SLCO1B1: variants seen among roughly 807,000 people sequenced by gnomAD.
SLCO1B1 encodes the protein solute carrier organic anion transporter family member 1B1.
SLCO1B1 carries 81 observed loss-of-function variants against 70.1 expected under a neutral mutation model. The observed-to-expected ratio is 1.16, with a 90% CI of 0.97 to 1.39. The LOEUF (loss-of-function observed/expected upper bound fraction) is 1.39. SLCO1B1 is among the 40% of genes most tolerant of loss of function. The pLI is 0.00. For synonymous variants in SLCO1B1, 283 were observed against 271.5 expected, an observed-to-expected ratio of 1.04 and a Z score of -0.42; for missense variants, 895 against 799.6, an observed-to-expected ratio of 1.12 and a Z score of -1.44.
At chr12:21,151,760 G>A (rs998510054) in intron 2 of SLCO1B1, among the ~76,000 whole-genome samples, 3 of 152,028 alleles carry the variant, frequency 2.0e-5, no homozygotes, top group African/African-American at 4.8e-5. Context: ...ATGTTAGATG[G>A]ATAAATACAC....
Position 21,176,682 on chromosome 12 carries a change from G to T in SLCO1B1, c.360-94G>T, listed in dbSNP as rs1234790984. Reference sequence around the variant, plus strand: ...CTCTGGTAATTTGGGGAAGATAATGGTGCAAATAAAGGGGAATATTTCTCT... The same window carrying T: ...CTCTGGTAATTTGGGGAAGATAATGTTGCAAATAAAGGGGAATATTTCTCT... On this transcript the variant is annotated intron_variant, in intron 4 of 14. Coordinates refer to ENST00000256958, the MANE Select transcript of SLCO1B1 (RefSeq NM_006446.5). The T allele has an allele frequency of 5.8e-5, 58 of 998,026 alleles. No individual in the cohort carries two copies. The East Asian group carries it at 1.2e-3, about 20-fold the overall frequency. 61.8% of individuals were successfully genotyped at this position (998,026 alleles called of 1,614,324 possible). A position where few individuals can be genotyped will look rare whatever the true frequency, so the allele number is the denominator to read the frequency against.
intron 1 of SLCO1B1, among the ~76,000 whole-genome samples, chr12:21,139,842 T>G (rs1454938809): frequency 6.6e-6 from 1 of 152,158 alleles, no homozygotes; most frequent in Non-Finnish European, 1.5e-5. Context: ...TGCCACATTT[T>G]TGGCATTTTT....
At chr12:21,205,779 C>A in intron 10 of SLCO1B1, 89 bp from the exon 11 acceptor site, 1 of 981,998 alleles carries the variant, frequency 1.0e-6, no homozygotes, top group Non-Finnish European at 1.5e-6. Flanking sequence ...TCTTTCTCTG[C>A]TTTCACTTTA....
chr12:21,196,430 A>G (rs1941092634), intron 7 of SLCO1B1, among the ~76,000 whole-genome samples: 2 of 152,172 alleles, frequency 1.3e-5, no homozygotes, highest in South Asian at 2.1e-4. Context: ...TTTTAAACTC[A>G]TATTTTCACT....
At chr12:21,154,822 T>C (rs1284287185) in intron 2 of SLCO1B1, among the ~76,000 whole-genome samples, 4 of 152,150 alleles carry the variant, frequency 2.6e-5, no homozygotes, top group Admixed American at 2.0e-4. Context: ...TGAGGCCTTA[T>C]ATGCTTGAGC....
In SLCO1B1 at chr12:21,222,347, T is replaced by C; in HGVS notation, c.1730T>C (p.Met577Thr). ...LKSLALGFHS[M>T]VIRALGGILA... ...TCACTTGCACTGGGTTTCCACTCAA[T>C]GGTTATACGAGCACTAGGTATGATG... Residue 577 changes from methionine (M) to threonine (T), a missense_variant, in exon 13 of 15, where the codon ATG (methionine) becomes ACG (threonine). Physicochemically the swap from Met to Thr is moderately conservative, Grantham distance 81. Coordinates refer to ENST00000256958, the MANE Select transcript of SLCO1B1 (RefSeq NM_006446.5). The C allele has an allele frequency of 9.3e-7, 1 of 1,075,928 alleles. No homozygotes were observed. The highest frequency in any genetic ancestry group is 1.2e-6 in the Non-Finnish European group (1 of 811,888). 66.6% of individuals were successfully genotyped at this position (1,075,928 alleles called of 1,614,324 possible). A position where few individuals can be genotyped will look rare whatever the true frequency, so the allele number is the denominator to read the frequency against.
intron 7 of SLCO1B1, among the ~76,000 whole-genome samples, chr12:21,194,748 T>C (rs546674400): frequency 1.8e-4 from 27 of 152,230 alleles, no homozygotes; most frequent in Non-Finnish European, 3.7e-4. Flanking sequence ...TAGGCCATTC[T>C]GGCATTCTTA....
At chr12:21,213,335 G>T (rs1941312839) in intron 11 of SLCO1B1, among the ~76,000 whole-genome samples, 1 of 151,860 alleles carries the variant, frequency 6.6e-6, no homozygotes, top group African/African-American at 2.4e-5. Context: ...GCTTAGTTTG[G>T]CTGGATATGA....
intron 2 of SLCO1B1, among the ~76,000 whole-genome samples, chr12:21,158,984 A>G (rs111335530): frequency 3.9e-5 from 6 of 152,304 alleles, no homozygotes; most frequent in African/African-American, 1.4e-4. Context: ...CATATAATCC[A>G]TAATTCTGTC....
intron 1 of SLCO1B1, among the ~76,000 whole-genome samples, chr12:21,138,175 A>G (rs943510892): frequency 3.3e-5 from 5 of 152,168 alleles, no homozygotes; most frequent in African/African-American, 7.2e-5. Flanking sequence ...CCTCAGTTGC[A>G]TAAGTACATG....
intron 1 of SLCO1B1, among the ~76,000 whole-genome samples, chr12:21,140,395 T>TAAAA (rs1940292397): frequency 6.6e-6 from 1 of 152,048 alleles, no homozygotes; most frequent in Non-Finnish European, 1.5e-5. Flanking sequence ...ATATTCTATA[T>TAAAA]AAAAGAGTCA....
chr12:21,199,501 C>T (rs936565783), intron 8 of SLCO1B1, among the ~76,000 whole-genome samples: 2 of 152,034 alleles, frequency 1.3e-5, no homozygotes, highest in African/African-American at 4.8e-5. Context: ...TGGCTGCTTT[C>T]CTTGTATCTT....
intron 14 of SLCO1B1, among the ~76,000 whole-genome samples, chr12:21,229,269 A>G (rs1380722227): frequency 6.7e-6 from 1 of 148,328 alleles, no homozygotes; most frequent in Non-Finnish European, 1.5e-5. Context: ...CACAGTTTAC[A>G]TTAGGTTTCA....
chr12:21,194,824 A>G (rs1056382513), intron 7 of SLCO1B1, among the ~76,000 whole-genome samples: 1 of 152,212 alleles, frequency 6.6e-6, no homozygotes, highest in Non-Finnish European at 1.5e-5. Flanking sequence ...TGATTCTGCA[A>G]GCTGTACAGG....
chr12:21,210,005 A>G (rs1352051522), intron 11 of SLCO1B1, among the ~76,000 whole-genome samples: 1 of 150,854 alleles, frequency 6.6e-6, no homozygotes, highest in African/African-American at 2.4e-5. Flanking sequence ...CCCATTTTGT[A>G]GGTTGCCTGT....
chr12:21,208,279 A>T (rs73063122), intron 11 of SLCO1B1, among the ~76,000 whole-genome samples: 3 of 151,916 alleles, frequency 2.0e-5, no homozygotes, highest in Non-Finnish European at 4.4e-5. Flanking sequence ...TTTACATTTC[A>T]GTCTGTAATA....
chr12:21,186,210 C>T (rs950434547), intron 7 of SLCO1B1, among the ~76,000 whole-genome samples: 1 of 152,022 alleles, frequency 6.6e-6, no homozygotes, highest in Non-Finnish European at 1.5e-5. Context: ...ATCTCATCTA[C>T]AGTCAAGAGA....
At position 21,141,581 on chromosome 12, in the gene SLCO1B1, C is replaced by A. The variant is rs1174387858; in HGVS notation, c.7C>A (p.Gln3Lys). Reference sequence around the variant, plus strand: ...TGATATCTATATTTCAATCATGGACCAAAATCAACATTTGAATAAAACAGC... The same window carrying A: ...TGATATCTATATTTCAATCATGGACAAAAATCAACATTTGAATAAAACAGC... MD[Q>K]NQHLNKTAEA... Residue 3 changes from glutamine to lysine, a missense_variant, in exon 2 of 15, where the codon CAA (glutamine) becomes AAA (lysine). Coordinates refer to ENST00000256958, the MANE Select transcript of SLCO1B1 (RefSeq NM_006446.5). 3 of 1,604,480 alleles carry A rather than the reference C, an allele frequency of 1.9e-6. No homozygotes were observed. The highest frequency in any genetic ancestry group is 2.6e-6 in the Non-Finnish European group (3 of 1,172,938).
intron 14 of SLCO1B1, among the ~76,000 whole-genome samples, chr12:21,233,000 A>T (rs570067634): frequency 2.4e-4 from 37 of 152,314 alleles, no homozygotes; most frequent in African/African-American, 7.2e-4. Flanking sequence ...AATGGGCTGC[A>T]TGAGGAACCA....
Sources: gnomAD v4.1 joint callset for allele counts (sites outside exome capture counted in the v4.1 genomes callset) on GRCh38, gnomAD v4.1.1 for gene constraint, MANE v1.5 for transcripts, NCBI Gene and HGNC (gene_info 2026-07-23, HGNC 2026-07-21) for gene names.